Variants in PIGL observed in about 807,000 individuals in gnomAD.
The protein encoded by PIGL is N-acetylglucosaminyl-phosphatidylinositol de-N-acetylase.
A neutral mutation model predicts 31.1 loss-of-function variants in PIGL; 22 were observed. The ratio of observed to expected loss-of-function variants is 0.71; its 90% CI spans 0.51 to 1.01. The LOEUF is 1.01. Among genes scored for constraint, PIGL ranks in the 50% least tolerant of loss-of-function variants. PIGL has a pLI of 0.00. For synonymous variants in PIGL, 131 were observed against 117.4 expected (o/e 1.12, Z -0.75); for missense variants, 302 against 315.9 (o/e 0.96, Z 0.33).
intron 2 of PIGL, among the ~76,000 whole-genome samples, chr17:16,236,551 G>A (rs1214361701): frequency 2.0e-5 from 3 of 152,106 alleles, no homozygotes; most frequent in South Asian, 4.1e-4. Flanking sequence ...CATAGTAGGA[G>A]TGTTCATTGC....
intron 2 of PIGL, among the ~76,000 whole-genome samples, chr17:16,252,544 C>T (rs1022332505): frequency 1.1e-4 from 16 of 149,684 alleles, no homozygotes; most frequent in African/African-American, 3.9e-4. Context: ...TTTTAGTAAG[C>T]CTTTATTACT....
intron 3 of PIGL, among the ~76,000 whole-genome samples, chr17:16,312,142 G>GC (rs1568841431): frequency 6.9e-6 from 1 of 144,468 alleles, no homozygotes; most frequent in Non-Finnish European, 1.5e-5. Flanking sequence ...GCTGCCCGCA[G>GC]CCCCCCACCT....
intron 2 of PIGL, among the ~76,000 whole-genome samples, chr17:16,267,513 T>C (rs2142762192): frequency 6.6e-6 from 1 of 152,106 alleles, no homozygotes; most frequent in South Asian, 2.1e-4. Context: ...GGTCATATTG[T>C]CGGGGTTCTT....
Position 16,326,325 on chromosome 17 carries a change from T to C in PIGL, c.*427T>C, listed in dbSNP as rs909657695. 1.8e-5 allele frequency: 3 copies of C among 169,326 alleles called. No homozygotes were observed. Among genetic ancestry groups the C allele is most frequent in the African/African-American group, 7.2e-5 (3 of 41,734 alleles). 10.5% of individuals were successfully genotyped at this position (169,326 alleles called of 1,614,324 possible). On this transcript the variant is annotated 3_prime_UTR_variant, in exon 7 of 7. Transcript: ENST00000225609. ...AAAACACATACACAAAATGCAACAGTGTGTGTTGAATTGGTTCAATCATAA... is the reference window on the plus strand; with the variant it reads ...AAAACACATACACAAAATGCAACAGCGTGTGTTGAATTGGTTCAATCATAA...
chr17:16,218,189 C>T (rs2092605353), intron 1 of PIGL: 2 of 152,154 alleles, frequency 1.3e-5, no homozygotes, highest in Non-Finnish European at 2.9e-5. Flanking sequence ...AAGTATACCT[C>T]AATAAAGCTA....
intron 6 of PIGL, among the ~76,000 whole-genome samples, chr17:16,322,590 A>T (rs981601944): frequency 6.6e-6 from 1 of 152,084 alleles, no homozygotes; most frequent in Non-Finnish European, 1.5e-5. Context: ...TTCCCCTTTA[A>T]TCTTTGAGGG....
At chr17:16,314,388 C>A (rs1238214368) in intron 4 of PIGL, among the ~76,000 whole-genome samples, 2 of 152,198 alleles carry the variant, frequency 1.3e-5, no homozygotes, top group African/African-American at 2.4e-5. Flanking sequence ...TTGGAAATGA[C>A]CTCACCAACC....
At chr17:16,281,808 A>G (rs3112512) in intron 2 of PIGL, among the ~76,000 whole-genome samples, 148,605 of 152,304 alleles carry the variant, frequency 0.98, 72,557 homozygotes, top group Non-Finnish European at 0.99. Flanking sequence ...CATGACAAGG[A>G]GGAAATACTG....
intron 2 of PIGL, among the ~76,000 whole-genome samples, chr17:16,250,974 T>C (rs541653194): frequency 6.6e-6 from 1 of 152,326 alleles, no homozygotes; most frequent in South Asian, 2.1e-4. Flanking sequence ...TTTATTTTCT[T>C]TTTTTGTTTC....
intron 2 of PIGL, among the ~76,000 whole-genome samples, chr17:16,243,505 T>C (rs1322637983): frequency 6.6e-6 from 1 of 152,214 alleles, no homozygotes; most frequent in East Asian, 1.9e-4. Flanking sequence ...GGTAAACTAC[T>C]GGGGTCACCA....
intron 2 of PIGL, among the ~76,000 whole-genome samples, chr17:16,290,316 C>T (rs2092955145): frequency 2.0e-5 from 3 of 152,030 alleles, no homozygotes; most frequent in African/African-American, 7.2e-5. Context: ...CTCTTGACCT[C>T]AAGTGATCCA....
At chr17:16,318,505 G>A (rs2093088487) in intron 6 of PIGL, among the ~76,000 whole-genome samples, 9 of 151,368 alleles carry the variant, frequency 5.9e-5, no homozygotes, top group Admixed American at 5.3e-4. Flanking sequence ...TCCTGACCTC[G>A]GGTGATCCAC....
chr17:16,274,521 G>C (rs1041811532), intron 2 of PIGL, among the ~76,000 whole-genome samples: 2 of 152,016 alleles, frequency 1.3e-5, no homozygotes, highest in Non-Finnish European at 2.9e-5. Context: ...TCAGGAGTTC[G>C]AGATCAGCCT....
At chr17:16,266,911 G>C (rs987150144) in intron 2 of PIGL, among the ~76,000 whole-genome samples, 7,251 of 147,604 alleles carry the variant, frequency 0.049, 628 homozygotes, top group African/African-American at 0.17. Context: ...TTTTTTGGGG[G>C]GGGGGGGGTT....
intron 2 of PIGL, among the ~76,000 whole-genome samples, chr17:16,254,602 T>G (rs900980738): frequency 8.4e-6 from 1 of 118,652 alleles, no homozygotes; most frequent in Non-Finnish European, 1.9e-5. Context: ...TGGTTGGTTG[T>G]TTTTTTGTTT....
At position 16,317,853 on chromosome 17, in the gene PIGL, T is replaced by C. The variant is rs766819075; in HGVS notation, c.605T>C (p.Leu202Pro). ...CTTCTGGATCTGCCCTTGTCTCTGC[T>C]TCATACGCAGGATGTCCTCTTCGTG... Reference protein sequence around the residue: ...ISLLDLPLSLLHTQDVLFVLN... With the variant: ...ISLLDLPLSLPHTQDVLFVLN... The change falls in exon 6 of 7, where the codon CTT becomes CCT. Residue 202 changes from leucine (L) to proline (P), a missense_variant. Coordinates refer to ENST00000225609, the MANE Select transcript of PIGL (RefSeq NM_004278.4). 11 of 1,614,118 alleles carry C rather than the reference T, an allele frequency of 6.8e-6. No individual in the cohort carries two copies. The highest frequency in any genetic ancestry group is 1.7e-4 in the Middle Eastern group (1 of 5,996).
chr17:16,325,755 C>T (rs1347885684), intron 6 of PIGL, 45 bp from the exon 7 acceptor site: 2 of 1,403,302 alleles, frequency 1.4e-6, no homozygotes, highest in Non-Finnish European at 2.0e-6. Flanking sequence ...AATGAAACAA[C>T]TCCAGTGCAA....
intron 1 of PIGL, among the ~76,000 whole-genome samples, chr17:16,233,639 G>A (rs879809461): frequency 6.6e-6 from 1 of 152,116 alleles, no homozygotes; most frequent in Non-Finnish European, 1.5e-5. Flanking sequence ...GGTCGTACAT[G>A]GTGTGATCCT....
chr17:16,241,062 C>T (rs942833961), intron 2 of PIGL, among the ~76,000 whole-genome samples: 16 of 134,642 alleles, frequency 1.2e-4, no homozygotes, highest in East Asian at 2.1e-4. Flanking sequence ...TGCAGTGAGC[C>T]GAAATCACGC....
Sources: gnomAD v4.1 joint callset for allele counts (sites outside exome capture counted in the v4.1 genomes callset) on GRCh38, gnomAD v4.1.1 for gene constraint, MANE v1.5 for transcripts, NCBI Gene and HGNC (gene_info 2026-07-23, HGNC 2026-07-21) for gene names.